The following FOXO3 variants were observed in gnomAD, a reference collection of about 807,000 sequenced individuals.
The protein encoded by FOXO3 is forkhead box protein O3.
FOXO3 carries 4 observed loss-of-function variants against 41.9 expected under a neutral mutation model. The ratio of observed to expected loss-of-function variants is 0.10; its 90% CI spans 0.05 to 0.22. The LOEUF (loss-of-function observed/expected upper bound fraction) is 0.22, where lower values mean the gene tolerates loss of function less well. Ranked by LOEUF, FOXO3 falls within the 10% of genes least tolerant of loss-of-function variation. FOXO3 has a pLI of 1.00. For missense variants in FOXO3, 534 were observed against 906.8 expected (o/e 0.59, Z 5.28); for synonymous variants, 318 against 389.3 (o/e 0.82, Z 2.16).
chr6:108,568,672 G>T (rs1776011960), intron 1 of FOXO3, among the ~76,000 whole-genome samples: 1 of 152,102 alleles, frequency 6.6e-6, no homozygotes, highest in Non-Finnish European at 1.5e-5. Context: ...CTCTGAAAGG[G>T]GCTGATGTGA....
chr6:108,681,667 T>C lies in FOXO3; in HGVS notation c.*1875T>C, dbSNP rs1376303702. On this transcript the variant is annotated 3_prime_UTR_variant, in exon 3 of 3. Transcript: ENST00000406360. ...CCCTGCCTTTTACTGAATCTGTAAA[T>C]TGTTGTGCAATTGTGGTTATAGTAG... is the stretch of plus-strand genomic sequence containing the variant. The C allele has an allele frequency of 6.6e-6, 1 of 151,776 alleles. No homozygotes were observed. The highest frequency in any genetic ancestry group is 6.6e-5 in the Admixed American group (1 of 15,222). 9.4% of individuals were successfully genotyped at this position (151,776 alleles called of 1,614,324 possible).
intron 1 of FOXO3, among the ~76,000 whole-genome samples, chr6:108,636,389 G>A (rs1778121494): frequency 6.6e-6 from 1 of 152,134 alleles, no homozygotes; most frequent in African/African-American, 2.4e-5. Context: ...GCTCTAGAGA[G>A]CTCATTTAGC....
intron 1 of FOXO3, among the ~76,000 whole-genome samples, chr6:108,591,617 C>T (rs1365407663): frequency 6.6e-6 from 1 of 152,170 alleles, no homozygotes; most frequent in African/African-American, 2.4e-5. Flanking sequence ...ACAGTTTCCT[C>T]ATAGTTCTTC....
At chr6:108,612,236 T>A (rs2128369686) in intron 1 of FOXO3, among the ~76,000 whole-genome samples, 1 of 152,320 alleles carries the variant, frequency 6.6e-6, no homozygotes, top group Non-Finnish European at 1.5e-5. Context: ...ATTTTAAAAA[T>A]TAGTTTCCAT....
intron 1 of FOXO3, among the ~76,000 whole-genome samples, chr6:108,577,349 A>G (rs1308062391): frequency 6.6e-6 from 1 of 152,192 alleles, no homozygotes; most frequent in Non-Finnish European, 1.5e-5. Context: ...GTTGATCTCT[A>G]GATCAGCTTT....
intron 1 of FOXO3, among the ~76,000 whole-genome samples, chr6:108,660,955 G>C (rs986859479): frequency 3.2e-4 from 49 of 152,278 alleles, no homozygotes; most frequent in African/African-American, 1.1e-3. Flanking sequence ...AGCTACTCGG[G>C]AGGCTGAGGC....
At chr6:108,668,955 CA>C (rs781668684) in intron 2 of FOXO3, among the ~76,000 whole-genome samples, 2 of 151,824 alleles carry the variant, frequency 1.3e-5, no homozygotes, top group South Asian at 2.1e-4. Context: ...ACTAAAAATA[CA>C]AAAAAATTAG....
intron 1 of FOXO3, among the ~76,000 whole-genome samples, chr6:108,636,846 AAG>A (rs1281073594): frequency 6.6e-5 from 10 of 152,236 alleles, no homozygotes; most frequent in Admixed American, 2.0e-4. Flanking sequence ...GCATCCCTGG[AAG>A]AATTTGAGAG....
intron 2 of FOXO3, 147 bp from the exon 3 acceptor site, chr6:108,679,680 T>C (rs531025014): frequency 1.3e-5 from 2 of 154,504 alleles, no homozygotes; most frequent in African/African-American, 4.8e-5. Flanking sequence ...CCTTTGAAAC[T>C]GGTGTAGCAG....
rs753663231 is a variant in FOXO3, at chr6:108,663,562, C to T, written c.729C>T (p.Ser243=). ...WWIINPDGGK[S]GKAPRRRAVS... is the part of the protein sequence containing the mutation. ...TCATCAACCCTGATGGGGGGAAGAGCGGAAAAGCCCCCCGGCGGCGGGCTG... is the reference window on the plus strand; with the variant it reads ...TCATCAACCCTGATGGGGGGAAGAGTGGAAAAGCCCCCCGGCGGCGGGCTG... The change falls in exon 2 of 3, where the codon AGC becomes AGT. Residue 243 remains serine (S), a synonymous_variant. Transcript: ENST00000406360. 1.7e-5 allele frequency: 27 copies of T among 1,613,596 alleles called. No homozygotes were observed. Among genetic ancestry groups the T allele is most frequent in the Middle Eastern group, 3.3e-4 (2 of 6,078 alleles).
At chr6:108,665,642 A>T (rs945800855) in intron 2 of FOXO3, among the ~76,000 whole-genome samples, 4 of 152,060 alleles carry the variant, frequency 2.6e-5, no homozygotes, top group Non-Finnish European at 5.9e-5. Context: ...GCAACATAGC[A>T]AGACTCTGTC....
Position 108,577,326 on chromosome 6 carries a change from C to G in FOXO3, c.621+15497C>G, listed in dbSNP as rs969243470. Reference sequence around the variant, plus strand: ...CCATTTCTGATTTTTGAACCTGAGACAGCCAACATTGAGTTGATCTCTAGA... The same window carrying G: ...CCATTTCTGATTTTTGAACCTGAGAGAGCCAACATTGAGTTGATCTCTAGA... On this transcript the variant is annotated intron_variant, in intron 1 of 2. Transcript: ENST00000406360. Among the ~76,000 whole-genome samples, 4 of 152,302 alleles carry G rather than the reference C, an allele frequency of 2.6e-5. 1 individual carries two copies. The South Asian group carries it at 8.3e-4, about 32-fold the overall frequency.
chr6:108,567,849 C>G (rs1159558508), intron 1 of FOXO3, among the ~76,000 whole-genome samples: 1 of 152,132 alleles, frequency 6.6e-6, no homozygotes, highest in Non-Finnish European at 1.5e-5. Context: ...GAGTTCGAGA[C>G]CAGCCTTACC....
At chr6:108,624,656 G>A (rs1479578460) in intron 1 of FOXO3, among the ~76,000 whole-genome samples, 1 of 152,070 alleles carries the variant, frequency 6.6e-6, no homozygotes, top group Non-Finnish European at 1.5e-5. Flanking sequence ...TGAAGCTTTA[G>A]ATATATTTTA....
At chr6:108,616,091 GA>G (rs1225468481) in intron 1 of FOXO3, among the ~76,000 whole-genome samples, 1 of 147,786 alleles carries the variant, frequency 6.8e-6, no homozygotes, top group Non-Finnish European at 1.5e-5. Flanking sequence ...CAGTTCAAGC[GA>G]TTCTCCCACC....
At chr6:108,563,301 C>T (rs1459968365) in intron 1 of FOXO3, among the ~76,000 whole-genome samples, 1 of 152,160 alleles carries the variant, frequency 6.6e-6, no homozygotes, top group Non-Finnish European at 1.5e-5. Context: ...GATATTAATC[C>T]ACTAATGTGT....
intron 1 of FOXO3, among the ~76,000 whole-genome samples, chr6:108,639,061 A>G (rs1349015782): frequency 1.3e-5 from 2 of 152,172 alleles, no homozygotes; most frequent in African/African-American, 4.8e-5. Context: ...GGCCTATAAC[A>G]GGAGACTTTT....
intron 2 of FOXO3, among the ~76,000 whole-genome samples, chr6:108,669,187 T>C (rs933997341): frequency 2.6e-5 from 4 of 152,348 alleles, no homozygotes; most frequent in Non-Finnish European, 4.4e-5. Context: ...TGGTGAAGTC[T>C]ATGTTATGAT....
intron 2 of FOXO3, among the ~76,000 whole-genome samples, chr6:108,669,000 T>C (rs1004740046): frequency 6.6e-6 from 1 of 152,068 alleles, no homozygotes; most frequent in African/African-American, 2.4e-5. Context: ...TAGTCCCAGC[T>C]ACTCGGAGAG....
Sources: gnomAD v4.1 joint callset for allele counts (sites outside exome capture counted in the v4.1 genomes callset) on GRCh38, gnomAD v4.1.1 for gene constraint, MANE v1.5 for transcripts, NCBI Gene and HGNC (gene_info 2026-07-23, HGNC 2026-07-21) for gene names.